PDE4D: variants seen among roughly 807,000 people sequenced by gnomAD.
PDE4D encodes 3',5'-cyclic-AMP phosphodiesterase 4D.
Under a neutral mutation model 87.4 loss-of-function variants are expected in PDE4D, and 24 were observed. The observed-to-expected ratio is 0.27, with a 90% CI of 0.20 to 0.39. The LOEUF is 0.39. PDE4D is among the 10% of genes least tolerant of loss of function. PDE4D has a pLI of 1.00. For synonymous variants in PDE4D, 384 were observed against 383.2 expected (o/e 1.00, Z -0.02); for missense variants, 714 against 1,041.0 (o/e 0.69, Z 4.32).
At position 59,825,032 on chromosome 5, in the gene PDE4D, A is replaced by C. The variant is rs116475207; in HGVS notation, c.455+68136T>G. Among the ~76,000 whole-genome samples, 539 of 152,266 alleles carry C rather than the reference A, an allele frequency of 3.5e-3. 5 individuals are homozygous for C. The highest frequency in any genetic ancestry group is 0.012 in the African/African-American group (517 of 41,546). On this transcript the variant is annotated intron_variant, in intron 1 of 14. Transcript: ENST00000340635. ...TCACTTTAGACCTCTTCACGGGAAGACATAATTAATTTACCTCATTAGTAA... is the reference window on the plus strand; with the variant it reads ...TCACTTTAGACCTCTTCACGGGAAGCCATAATTAATTTACCTCATTAGTAA...
At chr5:59,486,074 C>A (rs1287926124) in intron 1 of PDE4D, among the ~76,000 whole-genome samples, 1 of 151,952 alleles carries the variant, frequency 6.6e-6, no homozygotes, top group Non-Finnish European at 1.5e-5. Flanking sequence ...TTATCACTAT[C>A]ATGATATAAA....
chr5:60,310,587 G>A (rs555508931), intron 1 of PDE4D, among the ~76,000 whole-genome samples: 2 of 152,242 alleles, frequency 1.3e-5, no homozygotes, highest in South Asian at 4.1e-4. Flanking sequence ...CAGAAAAGTG[G>A]GGTTGTGTGA....
intron 5 of PDE4D, among the ~76,000 whole-genome samples, chr5:59,092,179 A>T (rs1768870051): frequency 6.6e-6 from 1 of 152,190 alleles, no homozygotes; most frequent in South Asian, 2.1e-4. Context: ...CATTTTCATA[A>T]TTCAAAGGCA....
chr5:58,990,491 T>C (rs890484765), intron 9 of PDE4D, among the ~76,000 whole-genome samples: 1 of 152,196 alleles, frequency 6.6e-6, no homozygotes, highest in East Asian at 1.9e-4. Context: ...TAGTACTCCA[T>C]TCTCTATGCA....
At chr5:59,596,650 A>G (rs1474111906) in intron 1 of PDE4D, among the ~76,000 whole-genome samples, 1 of 152,104 alleles carries the variant, frequency 6.6e-6, no homozygotes, top group Non-Finnish European at 1.5e-5. Flanking sequence ...ATGAGTCTCT[A>G]TACCAAACAT....
intron 3 of PDE4D, among the ~76,000 whole-genome samples, chr5:59,913,859 C>T (rs1036177898): frequency 6.6e-6 from 1 of 151,954 alleles, no homozygotes; most frequent in African/African-American, 2.4e-5. Flanking sequence ...AGAGTAAAAT[C>T]AGGGTTTTTT....
At chr5:59,403,965 G>A (rs1239174965) in intron 1 of PDE4D, among the ~76,000 whole-genome samples, 1 of 152,152 alleles carries the variant, frequency 6.6e-6, no homozygotes, top group Non-Finnish European at 1.5e-5. Flanking sequence ...GTCAGCATTT[G>A]TTACTGCCTG....
intron 3 of PDE4D, among the ~76,000 whole-genome samples, chr5:59,914,866 GGTGTGT>G (rs3062699): frequency 0.075 from 9,153 of 122,542 alleles, 262 homozygotes; most frequent in African/African-American, 0.1. Context: ...TACTGATAGG[GGTGTGT>G]GTGTGTGTGT....
chr5:60,295,068 T>C (rs571172105), intron 1 of PDE4D, among the ~76,000 whole-genome samples: 2 of 152,284 alleles, frequency 1.3e-5, no homozygotes, highest in South Asian at 4.1e-4. Flanking sequence ...AGTATAAGAA[T>C]TGTGCACATA....
intron 1 of PDE4D, chr5:59,587,516 A>T: frequency 1.0e-6 from 1 of 985,446 alleles, no homozygotes; most frequent in African/African-American, 1.7e-5. Flanking sequence ...CCGAATTTCC[A>T]GCAGAACCTT....
intron 1 of PDE4D, among the ~76,000 whole-genome samples, chr5:60,311,149 C>T (rs576125939): frequency 1.6e-3 from 241 of 152,130 alleles, no homozygotes; most frequent in Non-Finnish European, 3.1e-3. Context: ...TCCCCAGGGC[C>T]GGGATTACAG....
chr5:59,583,803 T>C (rs915612206), intron 1 of PDE4D, among the ~76,000 whole-genome samples: 16 of 152,216 alleles, frequency 1.1e-4, no homozygotes, highest in African/African-American at 3.9e-4. Context: ...ATTTGAAGAC[T>C]ACCCTAGACC....
intron 1 of PDE4D, among the ~76,000 whole-genome samples, chr5:59,760,566 G>C (rs1761845013): frequency 6.6e-6 from 1 of 152,064 alleles, no homozygotes; most frequent in African/African-American, 2.4e-5. Flanking sequence ...AGTATAAATT[G>C]ACAATGTTTT....
At chr5:60,263,451 A>C (rs1366892934) in intron 1 of PDE4D, among the ~76,000 whole-genome samples, 1 of 152,214 alleles carries the variant, frequency 6.6e-6, no homozygotes, top group Non-Finnish European at 1.5e-5. Context: ...AGAACAAGTG[A>C]CAATTAGTAA....
chr5:59,711,060 G>A (rs955536878), intron 1 of PDE4D, among the ~76,000 whole-genome samples: 2 of 152,106 alleles, frequency 1.3e-5, no homozygotes, highest in Non-Finnish European at 2.9e-5. Flanking sequence ...GTTCTCTATT[G>A]TCTTCTCTAA....
chr5:59,281,298 T>C (rs574835554), intron 1 of PDE4D, among the ~76,000 whole-genome samples: 1 of 152,230 alleles, frequency 6.6e-6, no homozygotes, highest in South Asian at 2.1e-4. Flanking sequence ...GTCACAGACA[T>C]CTCCCAGTTT....
chr5:60,062,902 C>T (rs1771576208), intron 2 of PDE4D, among the ~76,000 whole-genome samples: 1 of 151,842 alleles, frequency 6.6e-6, no homozygotes, highest in Admixed American at 6.6e-5. Flanking sequence ...ACAACACACA[C>T]CAGGGCCTGT....
At chr5:60,510,138 G>C (rs1750506829) in intron 1 of PDE4D, among the ~76,000 whole-genome samples, 1 of 152,086 alleles carries the variant, frequency 6.6e-6, no homozygotes, top group Non-Finnish European at 1.5e-5. Flanking sequence ...GGAGACCAGG[G>C]AATCAAAAAA....
At chr5:60,107,707 C>T (rs1377767343) in intron 2 of PDE4D, among the ~76,000 whole-genome samples, 2 of 152,122 alleles carry the variant, frequency 1.3e-5, no homozygotes, top group East Asian at 3.8e-4. Flanking sequence ...GTTCAATATA[C>T]ACAAATCAAT....
Sources: allele counts gnomAD v4.1 joint callset (sites outside exome capture counted in the v4.1 genomes callset), GRCh38; gene constraint gnomAD v4.1.1; transcripts MANE v1.5; gene names NCBI Gene and HGNC (gene_info 2026-07-23, HGNC 2026-07-21).